Variants in COX10 observed in about 807,000 individuals in gnomAD.
COX10 encodes the protein protoheme IX farnesyltransferase, mitochondrial.
Under a neutral mutation model 37.3 loss-of-function variants are expected in COX10, and 27 were observed. The ratio of observed to expected loss-of-function variants is 0.72; its 90% CI spans 0.53 to 1.00. The LOEUF is 1.00. Ranked by LOEUF, COX10 falls within the 50% of genes least tolerant of loss-of-function variation. The probability of loss-of-function intolerance (pLI) is 0.00; values close to 1 mark genes in which losing one functional copy is unlikely to be tolerated. For missense variants in COX10, 475 were observed against 563.2 expected, an observed-to-expected ratio of 0.84 and a Z score of 1.59; for synonymous variants, 222 against 229.1, an observed-to-expected ratio of 0.97 and a Z score of 0.28.
chr17:14,177,134 A>G (rs1905716778), intron 5 of COX10: 3 of 597,180 alleles, frequency 5.0e-6, no homozygotes, highest in South Asian at 2.0e-5. Context: ...GATTCCTGCC[A>G]GCAGTCGCCA....
At position 14,172,804 on chromosome 17, in the gene COX10, T is replaced by C. The variant is rs948507834; in HGVS notation, c.695+12857T>C. 3.6e-4 allele frequency among the ~76,000 whole-genome samples: 54 copies of C among 151,988 alleles called. 1 individual carries two copies. Among genetic ancestry groups the C allele is most frequent in the Admixed American group, 5.9e-4 (9 of 15,232 alleles). Reference sequence around the variant, plus strand: ...CTGGGCTCAAGCGTTTCTCCTGCCTTGGCCTCCTAAAGTGCTGGGATTACA... The same window carrying C: ...CTGGGCTCAAGCGTTTCTCCTGCCTCGGCCTCCTAAAGTGCTGGGATTACA... On this transcript the variant is annotated intron_variant, in intron 5 of 6. Coordinates refer to ENST00000261643, the MANE Select transcript of COX10 (RefSeq NM_001303.4).
In COX10 at chr17:14,128,506, T is replaced by C. The variant is rs117283485; in HGVS notation, c.624+26264T>C. Among the ~76,000 whole-genome samples, 59 of 152,318 alleles carry C rather than the reference T, an allele frequency of 3.9e-4. No homozygotes were observed. In the East Asian group the frequency reaches 0.011, roughly 28 times the overall value. On this transcript the variant is annotated intron_variant, in intron 4 of 6. Coordinates refer to ENST00000261643, the MANE Select transcript of COX10 (RefSeq NM_001303.4). ...GAAAGTAACTATTCTCAAATATTCA[T>C]TTAGTCATAATAAACAATTAACATT...
In COX10 at chr17:14,206,801, C is replaced by T. The variant is rs1411961852; in HGVS notation, c.929-9C>T. The T allele has an allele frequency of 6.2e-7, 1 of 1,614,110 alleles. No individual in the cohort carries two copies. The highest frequency in any genetic ancestry group is 8.5e-7 in the Non-Finnish European group (1 of 1,180,004). ...TTTGTCTCCCTCTCCTTCCCTGACC[C>T]CCGCACAGGCGCATTTCTCCTGGGA... On this transcript the variant is annotated splice_polypyrimidine_tract_variant and intron_variant, in intron 6 of 6. Coordinates refer to ENST00000261643, the MANE Select transcript of COX10 (RefSeq NM_001303.4).
At chr17:14,080,219 CTTT>C (rs71147840) in intron 3 of COX10, among the ~76,000 whole-genome samples, 2 of 102,708 alleles carry the variant, frequency 1.9e-5, no homozygotes, top group Admixed American at 1.1e-4. Context: ...ATTAGACTTT[CTTT>C]TTTTTTTTTT....
At chr17:14,167,459 T>C (rs1283671854) in intron 5 of COX10, among the ~76,000 whole-genome samples, 1 of 152,248 alleles carries the variant, frequency 6.6e-6, no homozygotes, top group African/African-American at 2.4e-5. Flanking sequence ...TGCTATCAAA[T>C]AGCACTGCAT....
At chr17:14,102,329 T>TTA in intron 4 of COX10, 87 bp downstream of exon 4, 1 of 1,401,918 alleles carries the variant, frequency 7.1e-7, no homozygotes, top group East Asian at 2.5e-5. Flanking sequence ...CCTTCCAAAC[T>TTA]CATATATTGA....
At chr17:14,190,448 A>C (rs1287644377) in intron 5 of COX10, among the ~76,000 whole-genome samples, 3 of 152,242 alleles carry the variant, frequency 2.0e-5, no homozygotes, top group Non-Finnish European at 4.4e-5. Context: ...ACCTCAAGGC[A>C]GAATGTGCAC....
rs778473674 is a variant in COX10 at position 14,206,876 on chromosome 17, G to T, written c.995G>T (p.Gly332Val). ...CCTCATTTCAACGCCCTGAGCTGGG[G>T]CCTCCGTGAAGACTACTCCCGGGGC... The part of the protein sequence containing the change: ...QFPHFNALSW[G>V]LREDYSRGGY... The change falls in exon 7 of 7, where the codon GGC becomes GTC. Residue 332 changes from glycine (G) to valine (V), a missense_variant. Transcript: ENST00000261643. The T allele has an allele frequency of 1.2e-6, 2 of 1,614,048 alleles. No homozygotes were observed.
At chr17:14,156,319 G>A (rs1057330994) in intron 4 of COX10, among the ~76,000 whole-genome samples, 1 of 151,888 alleles carries the variant, frequency 6.6e-6, no homozygotes, top group African/African-American at 2.4e-5. Flanking sequence ...TCTGCCTCCC[G>A]GGAGGGTTCA....
chr17:14,168,177 C>T (rs368706694), intron 5 of COX10, among the ~76,000 whole-genome samples: 2 of 152,226 alleles, frequency 1.3e-5, no homozygotes, highest in Admixed American at 1.3e-4. Context: ...ATGTCCGAAA[C>T]CCAAAAGGGC....
chr17:14,085,566 A>G (rs1406289168), intron 3 of COX10, among the ~76,000 whole-genome samples: 3 of 152,188 alleles, frequency 2.0e-5, no homozygotes, highest in Non-Finnish European at 2.9e-5. Flanking sequence ...TTAGCTGTAT[A>G]GAAGTATACC....
At chr17:14,090,101 C>T (rs1018265241) in intron 3 of COX10, among the ~76,000 whole-genome samples, 2 of 151,910 alleles carry the variant, frequency 1.3e-5, no homozygotes, top group African/African-American at 2.4e-5. Context: ...CTGGGGTCCT[C>T]TTAGATTCTG....
At chr17:14,202,614 G>A (rs544488017) in intron 6 of COX10, among the ~76,000 whole-genome samples, 77 of 152,236 alleles carry the variant, frequency 5.1e-4, no homozygotes, top group African/African-American at 1.8e-3. Flanking sequence ...CAACTGAGAT[G>A]TCTGTTATGT....
rs981045159 is a variant in COX10, at chr17:14,182,050, A to G, written c.696-9939A>G. The G allele has an allele frequency of 1.7e-5, 17 of 983,256 alleles. No individual in the cohort carries two copies. In the African/African-American group the frequency reaches 3.0e-4, roughly 17 times the overall value. The allele number at this position is 983,256 out of a possible 1,614,324, so 60.9% of individuals were successfully genotyped here. On this transcript the variant is annotated intron_variant, in intron 5 of 6. Coordinates refer to ENST00000261643, the MANE Select transcript of COX10 (RefSeq NM_001303.4). ...TCTTTCTTCTCATCCTTCTAGATTA[A>G]CAGGATTCTTTCAGTCAGCTTTCAG...
chr17:14,107,478 T>C (rs1031145957), intron 4 of COX10, among the ~76,000 whole-genome samples: 1 of 152,120 alleles, frequency 6.6e-6, no homozygotes, highest in Admixed American at 6.6e-5. Context: ...GTAAATGAGA[T>C]GTAAAAATAT....
chr17:14,153,513 A>G (rs1308069068), intron 4 of COX10, among the ~76,000 whole-genome samples: 1 of 152,236 alleles, frequency 6.6e-6, no homozygotes, highest in African/African-American at 2.4e-5. Flanking sequence ...CATTTCTGCA[A>G]CTGATCACAG....
At chr17:14,072,214 C>T (rs1415762554) in intron 1 of COX10, among the ~76,000 whole-genome samples, 3 of 151,916 alleles carry the variant, frequency 2.0e-5, no homozygotes, top group East Asian at 1.9e-4. Context: ...GTTTGACCCA[C>T]GTAATCTTTT....
At chr17:14,164,953 A>AGGTCAGTCCTGGTTTGCCCC (rs1196509920) in intron 5 of COX10, among the ~76,000 whole-genome samples, 2 of 152,194 alleles carry the variant, frequency 1.3e-5, no homozygotes, top group Non-Finnish European at 2.9e-5. Flanking sequence ...GGGTTTGCCT[A>AGGTCAGTCCTGGTTTGCCCC]GGTCAGTCCT....
intron 6 of COX10, among the ~76,000 whole-genome samples, chr17:14,202,781 G>C (rs1906585796): frequency 6.7e-6 from 1 of 150,272 alleles, no homozygotes; most frequent in Admixed American, 6.6e-5. Context: ...GCTGGGGGAA[G>C]ATCCCACTCC....
Sources: gnomAD v4.1 joint callset for allele counts (sites outside exome capture counted in the v4.1 genomes callset) on GRCh38, gnomAD v4.1.1 for gene constraint, MANE v1.5 for transcripts, NCBI Gene and HGNC (gene_info 2026-07-23, HGNC 2026-07-21) for gene names.